BBS9: variants seen among roughly 807,000 people sequenced by gnomAD.
BBS9 encodes the protein Bardet-Biedl syndrome 9, also known as protein PTHB1.
In BBS9, 89 loss-of-function variants were observed where a neutral mutation model predicts 117.7. The observed-to-expected ratio is 0.76, with a 90% CI of 0.64 to 0.90. The LOEUF (loss-of-function observed/expected upper bound fraction) is 0.90. BBS9 is among the 40% of genes least tolerant of loss of function. The pLI, the probability that BBS9 is intolerant of heterozygous loss-of-function variation, is 0.00. For missense variants in BBS9, 982 were observed against 1,042.2 expected, an observed-to-expected ratio of 0.94 and a Z score of 0.80; for synonymous variants, 379 against 370.9, an observed-to-expected ratio of 1.02 and a Z score of -0.25.
intron 20 of BBS9, among the ~76,000 whole-genome samples, chr7:33,515,640 A>G (rs1360684476): frequency 6.6e-6 from 1 of 152,230 alleles, no homozygotes; most frequent in South Asian, 2.1e-4. Flanking sequence ...TACATGATAC[A>G]TTAATTAATT....
intron 9 of BBS9, among the ~76,000 whole-genome samples, chr7:33,287,418 T>A (rs547825715): frequency 6.6e-6 from 1 of 152,334 alleles, no homozygotes; most frequent in Admixed American, 6.5e-5. Flanking sequence ...TTAATTGAAA[T>A]TACTAAAAGT....
Position 33,542,349 on chromosome 7 carries a change from C to T in BBS9, c.2521+8173C>T, listed in dbSNP as rs139987725. The stretch of plus-strand genomic sequence containing the variant: ...CCACCCACCTCGGCCTCCCAAAGTG[C>T]TGGGATTACAGGCGTGAGCCACCGC... On this transcript the variant is annotated intron_variant, in intron 21 of 22. Coordinates refer to ENST00000242067, the MANE Select transcript of BBS9 (RefSeq NM_198428.3). Among the ~76,000 whole-genome samples the T allele has an allele frequency of 6.8e-3, 1,040 of 152,258 alleles. 10 individuals are homozygous for T. Among genetic ancestry groups the T allele is most frequent in the African/African-American group, 0.024 (979 of 41,542 alleles).
At chr7:33,631,545 A>T (rs1488665051) in intron 21 of BBS9, among the ~76,000 whole-genome samples, 1 of 152,196 alleles carries the variant, frequency 6.6e-6, no homozygotes, top group African/African-American at 2.4e-5. Flanking sequence ...AAGCAGGGCC[A>T]AGCATGATTT....
intron 19 of BBS9, among the ~76,000 whole-genome samples, chr7:33,476,627 C>G (rs1039476656): frequency 1.3e-5 from 2 of 152,166 alleles, no homozygotes; most frequent in African/African-American, 4.8e-5. Context: ...TTGCTAATCT[C>G]TAAATTAGCC....
downstream of BBS9, among the ~76,000 whole-genome samples, chr7:33,607,310 T>G (rs1234097167): frequency 6.6e-6 from 1 of 152,160 alleles, no homozygotes; most frequent in African/African-American, 2.4e-5. Flanking sequence ...GAAGCTGATG[T>G]GACTGTCCTA....
At chr7:33,369,291 A>G (rs1822411238) in intron 17 of BBS9, among the ~76,000 whole-genome samples, 1 of 152,186 alleles carries the variant, frequency 6.6e-6, no homozygotes, top group African/African-American at 2.4e-5. Context: ...CCATATAATG[A>G]ATCTGCAAAT....
chr7:33,601,944 A>G (rs1451022), intron 21 of BBS9, among the ~76,000 whole-genome samples: 68,681 of 152,046 alleles, frequency 0.45, 20,279 homozygotes, highest in African/African-American at 0.81. Flanking sequence ...TTTCAGATGG[A>G]TGGCCAGTCT....
In BBS9 at chr7:33,196,696, G is replaced by A. The variant is rs192883480; in HGVS notation, c.442+19105G>A. Among the ~76,000 whole-genome samples the A allele has an allele frequency of 4.9e-3, 746 of 152,254 alleles. 8 individuals are homozygous for A. The highest frequency in any genetic ancestry group is 0.017 in the Middle Eastern group (5 of 294). On this transcript the variant is annotated intron_variant, in intron 5 of 22. Transcript: ENST00000242067. ...AGTGTAGGTGTTTTATTATATTGGA[G>A]AACTTCCCTCATTTGTTTTTAAGAT...
downstream of BBS9, among the ~76,000 whole-genome samples, chr7:33,608,289 T>C (rs573533800): frequency 1.3e-5 from 2 of 152,132 alleles, no homozygotes; most frequent in African/African-American, 2.4e-5. Flanking sequence ...CAGTCCACCA[T>C]TGATGGGCAC....
chr7:33,267,722 CATAA>C (rs1433540171), intron 7 of BBS9, among the ~76,000 whole-genome samples: 10 of 152,004 alleles, frequency 6.6e-5, no homozygotes, highest in Admixed American at 1.3e-4. Flanking sequence ...ATTATTTTTG[CATAA>C]ATAATCAATT....
chr7:33,423,395 G>T (rs11763438), intron 19 of BBS9, among the ~76,000 whole-genome samples: 23,359 of 150,180 alleles, frequency 0.16, 2,227 homozygotes, highest in Non-Finnish European at 0.2. Flanking sequence ...ATACCTTGGG[G>T]GTGTGTGTGT....
At chr7:33,416,551 C>G (rs537807645) in intron 19 of BBS9, among the ~76,000 whole-genome samples, 1 of 152,120 alleles carries the variant, frequency 6.6e-6, no homozygotes, top group South Asian at 2.1e-4. Context: ...ACGATAGTTA[C>G]TAATTTATTC....
At chr7:33,368,595 C>T (rs1010387525) in intron 17 of BBS9, among the ~76,000 whole-genome samples, 1 of 151,362 alleles carries the variant, frequency 6.6e-6, no homozygotes, top group African/African-American at 2.4e-5. Flanking sequence ...CACACACACA[C>T]ACACACACAC....
At chr7:33,243,610 A>T (rs367966064) in intron 5 of BBS9, among the ~76,000 whole-genome samples, 2 of 152,330 alleles carry the variant, frequency 1.3e-5, no homozygotes, top group African/African-American at 4.8e-5. Context: ...AGGCCTGAAT[A>T]GGAACCAGTT....
chr7:33,273,061 T>C lies in BBS9; in HGVS notation c.752T>C (p.Val251Ala), dbSNP rs747113759. Residue 251 changes from valine (V) to alanine (A), a missense_variant, in exon 8 of 23, where the codon GTC (valine) becomes GCC (alanine). By Grantham distance (64) the Val-to-Ala change is moderately conservative. Coordinates refer to ENST00000242067, the MANE Select transcript of BBS9 (RefSeq NM_198428.3). ...GAGCAAGCCCTTGACATATGTATTG[T>C]CTCTTTCAATCAGTCGGCATCCTCT... ...IGEQALDICI[V>A]SFNQSASSVF... 6.2e-7 allele frequency: 1 copy of C among 1,613,692 alleles called. No individual in the cohort carries two copies. The highest frequency in any genetic ancestry group is 1.7e-5 in the Admixed American group (1 of 59,986).
chr7:33,152,725 T>C lies in BBS9; in HGVS notation c.137T>C (p.Met46Thr). The C allele has an allele frequency of 6.2e-7, 1 of 1,613,696 alleles. No individual in the cohort carries two copies. The highest frequency in any genetic ancestry group is 1.7e-5 in the Admixed American group (1 of 60,004). The change falls in exon 3 of 23, where the codon ATG (methionine) becomes ACG (threonine). Residue 46 changes from methionine (M) to threonine (T), a missense_variant. By Grantham distance (81) the Met-to-Thr change is moderately conservative. Coordinates refer to ENST00000242067, the MANE Select transcript of BBS9 (RefSeq NM_198428.3). The stretch of plus-strand genomic sequence containing the variant: ...GATAAAATAATTGTGGGTAGCTTTA[T>C]GGGATACCTAAGGATCTTTAGCCCC... ...GQDKIIVGSF[M>T]GYLRIFSPHP...
chr7:33,151,553 G>GT (rs1793316794), intron 2 of BBS9, among the ~76,000 whole-genome samples: 1 of 142,366 alleles, frequency 7.0e-6, no homozygotes, highest in Non-Finnish European at 1.6e-5. Flanking sequence ...TTATTATGAG[G>GT]ATTTTTTTTT....
chr7:33,335,139 C>T (rs1815043323), intron 9 of BBS9, among the ~76,000 whole-genome samples: 1 of 152,206 alleles, frequency 6.6e-6, no homozygotes, highest in Non-Finnish European at 1.5e-5. Flanking sequence ...TAATCCTAGA[C>T]TCTTACATGC....
At chr7:33,156,720 GCTTT>G (rs922880288) in intron 4 of BBS9, among the ~76,000 whole-genome samples, 4 of 152,114 alleles carry the variant, frequency 2.6e-5, no homozygotes, top group African/African-American at 7.2e-5. Context: ...ATTGACAGTG[GCTTT>G]CTTTATTACT....
Sources: allele counts gnomAD v4.1 joint callset (sites outside exome capture counted in the v4.1 genomes callset), GRCh38; gene constraint gnomAD v4.1.1; transcripts MANE v1.5; gene names NCBI Gene and HGNC (gene_info 2026-07-23, HGNC 2026-07-21).